BRSK2: variants seen among roughly 807,000 people sequenced by gnomAD.
BRSK2 encodes serine/threonine-protein kinase BRSK2.
BRSK2 carries 19 observed loss-of-function variants against 83.3 expected under a neutral mutation model. The ratio of observed to expected loss-of-function variants is 0.23; its 90% CI spans 0.16 to 0.33. BRSK2 has a LOEUF of 0.33. BRSK2 is among the 10% of genes least tolerant of loss of function. BRSK2 has a pLI of 1.00. For missense variants in BRSK2, 798 were observed against 1,042.3 expected (o/e 0.77, Z 3.23); for synonymous variants, 519 against 435.4 (o/e 1.19, Z -2.39).
rs968468052 is a variant in BRSK2, at chr11:1,390,204, CGGCGGACGCG to C, written c.-71_-62del. The C allele has an allele frequency of 1.0e-5, 8 of 773,234 alleles. No homozygotes were observed. In the South Asian group the frequency reaches 1.7e-4, roughly 16 times the overall value. 47.9% of individuals were successfully genotyped at this position (773,234 alleles called of 1,614,324 possible). On this transcript the variant is annotated 5_prime_UTR_variant, in exon 1 of 20. Transcript: ENST00000528841. This position sits in a 1 kb window ranked among gnomAD's most constrained non-coding sequence, Gnocchi z 6.8. ...CGGCCGGGTCGGCGCGGACGGCACT[CGGCGGACGCG>C]GGCGGACGCTGGGCGGCCCCTCCCT... is the stretch of plus-strand genomic sequence containing the variant.
chr11:1,421,968 G>A (rs1472786471), intron 1 of BRSK2, among the ~76,000 whole-genome samples: 1 of 151,762 alleles, frequency 6.6e-6, no homozygotes, highest in Non-Finnish European at 1.5e-5. Flanking sequence ...GCAGGTGGGG[G>A]TGGGGTCGGG....
intron 12 of BRSK2, among the ~76,000 whole-genome samples, chr11:1,448,057 G>A (rs971599652): frequency 3.8e-4 from 58 of 152,266 alleles, no homozygotes; most frequent in African/African-American, 1.3e-3. Flanking sequence ...CTGCTGAGGC[G>A]TGGCCCACGC....
intron 1 of BRSK2, among the ~76,000 whole-genome samples, chr11:1,433,644 C>T (rs369238522): frequency 2.6e-4 from 39 of 152,352 alleles, no homozygotes; most frequent in African/African-American, 7.5e-4. Context: ...AGGCCAGCCT[C>T]GTGCCTGGGG....
intron 1 of BRSK2, chr11:1,410,686 C>T: frequency 1.0e-6 from 1 of 985,446 alleles, no homozygotes; most frequent in Non-Finnish European, 1.2e-6. Context: ...CTGCCTGACG[C>T]CCACCCTCAG....
Position 1,390,708 on chromosome 11 carries a change from G to A in BRSK2, c.91+333G>A, listed in dbSNP as rs1845671266. ...CCGCATTGTGCGCCCCAGCGACCGGGCCCATTGTGCCGCGGGAGGAGGGGG... is the reference window on the plus strand; with the variant it reads ...CCGCATTGTGCGCCCCAGCGACCGGACCCATTGTGCCGCGGGAGGAGGGGG... On this transcript the variant is annotated intron_variant, in intron 1 of 19. Transcript: ENST00000528841. The surrounding 1 kb of genome is among the most constrained non-coding windows in gnomAD (Gnocchi z 6.8). Among the ~76,000 whole-genome samples the A allele has an allele frequency of 6.6e-6, 1 of 150,848 alleles. No homozygotes were observed. The highest frequency in any genetic ancestry group is 1.5e-5 in the Non-Finnish European group (1 of 67,678).
chr11:1,456,987 G>A lies in BRSK2; in HGVS notation c.1939+300G>A. 1.3e-6 allele frequency: 2 copies of A among 1,597,360 alleles called. No homozygotes were observed. Among genetic ancestry groups the A allele is most frequent in the African/African-American group, 1.3e-5 (1 of 75,016 alleles). ...CCCACCAGCGCCAGGACTAAGCTGG[G>A]GTGCTGGGCTTAAGGGCCAGAAGGT... On this transcript the variant is annotated intron_variant, in intron 18 of 19. Coordinates refer to ENST00000528841, the MANE Select transcript of BRSK2 (RefSeq NM_001256627.2).
intron 1 of BRSK2, among the ~76,000 whole-genome samples, chr11:1,422,265 G>T (rs1222350006): frequency 6.6e-6 from 1 of 152,166 alleles, no homozygotes; most frequent in Non-Finnish European, 1.5e-5. Flanking sequence ...GCCCCCTCCT[G>T]AGCTGTTTGG....
intron 13 of BRSK2, 53 bp downstream of exon 13, chr11:1,449,889 C>G: frequency 7.0e-7 from 1 of 1,431,160 alleles, no homozygotes; most frequent in East Asian, 2.3e-5. Context: ...CCCCAACCCT[C>G]CCAGTCAGCG....
At chr11:1,422,051 C>T (rs1377282238) in intron 1 of BRSK2, among the ~76,000 whole-genome samples, 4 of 152,160 alleles carry the variant, frequency 2.6e-5, no homozygotes, top group East Asian at 1.9e-4. Context: ...GGGAGGGTGG[C>T]GCCCGTGCCT....
intron 16 of BRSK2, among the ~76,000 whole-genome samples, chr11:1,455,050 TCA>T (rs1034962424): frequency 1.3e-4 from 20 of 152,086 alleles, no homozygotes; most frequent in Non-Finnish European, 1.6e-4. Flanking sequence ...CTCAGGTGTC[TCA>T]GTTTCCCTGG....
At chr11:1,457,527 G>A (rs1209053857) in intron 18 of BRSK2, among the ~76,000 whole-genome samples, 1 of 152,190 alleles carries the variant, frequency 6.6e-6, no homozygotes, top group Non-Finnish European at 1.5e-5. Flanking sequence ...GGTGGGGGCA[G>A]GGCGGAGCAC....
chr11:1,410,349 G>A (rs1365660115), intron 1 of BRSK2: 7 of 561,498 alleles, frequency 1.2e-5, no homozygotes, highest in Non-Finnish European at 1.5e-5. Flanking sequence ...GGTTTGTGAC[G>A]TCGGCCTCGC....
In BRSK2 at chr11:1,423,837, G is replaced by A. The variant is rs967174522; in HGVS notation, c.92-12203G>A. Among the ~76,000 whole-genome samples the A allele has an allele frequency of 2.0e-5, 3 of 150,906 alleles. No homozygotes were observed. The highest frequency in any genetic ancestry group is 4.4e-5 in the Non-Finnish European group (3 of 67,772). On this transcript the variant is annotated intron_variant, in intron 1 of 19. Transcript: ENST00000528841. This position sits in a 1 kb window ranked among gnomAD's most constrained non-coding sequence, Gnocchi z 6.5. Reference sequence around the variant, plus strand: ...GTTCCGGGTGCCCCAGGCCTCCCCCGCTGAGTGTTCCCGGTGCCCCTGGGC... The same window carrying A: ...GTTCCGGGTGCCCCAGGCCTCCCCCACTGAGTGTTCCCGGTGCCCCTGGGC...
chr11:1,420,591 C>T (rs1158258821), intron 1 of BRSK2, among the ~76,000 whole-genome samples: 1 of 152,196 alleles, frequency 6.6e-6, no homozygotes, highest in African/African-American at 2.4e-5. Flanking sequence ...GGGCCTGGGC[C>T]CCTCCATGCA....
Position 1,438,258 on chromosome 11 carries a change from C to T in BRSK2, c.187-48C>T, listed in dbSNP as rs201240546. ...AAGGCAGTGTCTGTGGGGAGCGATG[C>T]GTGCCCCAGCCCTGTGAGCGTGATG... On this transcript the variant is annotated intron_variant, in intron 2 of 19. Transcript: ENST00000528841. This position sits in a 1 kb window ranked among gnomAD's most constrained non-coding sequence, Gnocchi z 6.4. 272 of 1,574,028 alleles carry T rather than the reference C, an allele frequency of 1.7e-4. No individual in the cohort carries two copies. Among genetic ancestry groups the T allele is most frequent in the Non-Finnish European group, 2.1e-4 (245 of 1,145,294 alleles).
At chr11:1,403,186 C>T (rs1409575574) in intron 1 of BRSK2, among the ~76,000 whole-genome samples, 1 of 152,176 alleles carries the variant, frequency 6.6e-6, no homozygotes, top group Non-Finnish European at 1.5e-5. Flanking sequence ...TCACGCTACC[C>T]TTCCCCTGGG....
At chr11:1,437,941 C>T (rs538677806) in intron 2 of BRSK2, among the ~76,000 whole-genome samples, 36 of 152,250 alleles carry the variant, frequency 2.4e-4, no homozygotes, top group African/African-American at 7.2e-4. Flanking sequence ...GGTGTCAGCC[C>T]GGCGGCCTGG....
At chr11:1,427,669 C>T (rs982683107) in intron 1 of BRSK2, among the ~76,000 whole-genome samples, 4 of 152,242 alleles carry the variant, frequency 2.6e-5, no homozygotes, top group East Asian at 1.9e-4. Context: ...TGTGGCACTG[C>T]GTGCCTTCCC....
At chr11:1,442,679 G>A in intron 5 of BRSK2, 73 bp downstream of exon 5, 1 of 1,292,678 alleles carries the variant, frequency 7.7e-7, no homozygotes, top group Non-Finnish European at 1.1e-6. Flanking sequence ...AGTGGACTGA[G>A]AGGCCCCCAG....
Sources: gnomAD v4.1 joint callset for allele counts (sites outside exome capture counted in the v4.1 genomes callset) on GRCh38, gnomAD v4.1.1 for gene constraint, Gnocchi (gnomAD v3.1) non-coding constraint, MANE v1.5 for transcripts, NCBI Gene and HGNC (gene_info 2026-07-23, HGNC 2026-07-21) for gene names.